The following BMP5 variants were observed in gnomAD, a reference collection of about 807,000 sequenced individuals.
BMP5 encodes the protein bone morphogenetic protein 5.
BMP5 carries 23 observed loss-of-function variants against 46.6 expected under a neutral mutation model. The observed-to-expected ratio is 0.49, with a 90% CI of 0.35 to 0.70. BMP5 has a LOEUF of 0.70. Among genes scored for constraint, BMP5 ranks in the 30% least tolerant of loss-of-function variants. The pLI, the probability that BMP5 is intolerant of heterozygous loss-of-function variation, is 0.00. For synonymous variants in BMP5, 204 were observed against 191.9 expected (o/e 1.06, Z -0.52); for missense variants, 545 against 565.6 (o/e 0.96, Z 0.37).
intron 1 of BMP5, among the ~76,000 whole-genome samples, chr6:55,826,980 C>CAGA (rs1403599445): frequency 1.2e-3 from 181 of 151,776 alleles, no homozygotes; most frequent in African/African-American, 4.3e-3. Flanking sequence ...CTATTCCATT[C>CAGA]CAGAACAATG....
At chr6:55,755,840 G>C (rs1039398748) in intron 6 of BMP5, among the ~76,000 whole-genome samples, 158 bp from the exon 7 acceptor site, 2 of 151,922 alleles carry the variant, frequency 1.3e-5, no homozygotes, top group African/African-American at 4.8e-5. Flanking sequence ...GGGACTGAAG[G>C]ATGTATTCTT....
intron 2 of BMP5, among the ~76,000 whole-genome samples, chr6:55,801,261 T>A (rs139182224): frequency 6.6e-6 from 1 of 152,214 alleles, no homozygotes; most frequent in African/African-American, 2.4e-5. Flanking sequence ...TCAAGTGTTA[T>A]TGCAACTTAG....
chr6:55,763,611 G>A (rs534411866), intron 4 of BMP5, among the ~76,000 whole-genome samples: 40 of 152,254 alleles, frequency 2.6e-4, no homozygotes, highest in African/African-American at 9.1e-4. Flanking sequence ...GCCTTTAGGA[G>A]ATTAGTATGA....
intron 2 of BMP5, among the ~76,000 whole-genome samples, chr6:55,807,230 T>A (rs929787440): frequency 3.3e-5 from 5 of 152,080 alleles, no homozygotes; most frequent in African/African-American, 1.2e-4. Flanking sequence ...CTTATTATTT[T>A]GAGATTTTTT....
At chr6:55,840,427 A>G (rs1776920998) in intron 1 of BMP5, among the ~76,000 whole-genome samples, 1 of 152,092 alleles carries the variant, frequency 6.6e-6, no homozygotes, top group Non-Finnish European at 1.5e-5. Flanking sequence ...AGATAACCTT[A>G]CTTGATTCTT....
At chr6:55,759,145 A>AAAAAAAAAAC in intron 5 of BMP5, 30 bp from the exon 6 acceptor site, 1 of 133,424 alleles carries the variant, frequency 7.5e-6, no homozygotes, top group Non-Finnish European at 1.3e-5. Flanking sequence ...ACACACACAC[A>AAAAAAAAAAC]AAAAAAAAAA....
chr6:55,852,882 A>T (rs73448135), intron 1 of BMP5, among the ~76,000 whole-genome samples: 4,266 of 152,224 alleles, frequency 0.028, 189 homozygotes, highest in African/African-American at 0.098. Context: ...CTGTAATTGC[A>T]GCACTTTGGG....
chr6:55,826,348 C>G (rs1453820901), intron 1 of BMP5, among the ~76,000 whole-genome samples: 1 of 151,614 alleles, frequency 6.6e-6, no homozygotes, highest in Non-Finnish European at 1.5e-5. Context: ...TATAAAGAAG[C>G]AAAATCTCAA....
intron 2 of BMP5, among the ~76,000 whole-genome samples, chr6:55,807,360 TAC>T (rs1776015631): frequency 6.6e-6 from 1 of 152,232 alleles, no homozygotes; most frequent in African/African-American, 2.4e-5. Flanking sequence ...TGTGATGGAT[TAC>T]ATTTATTGAT....
chr6:55,857,060 T>G (rs1777416910), intron 1 of BMP5, among the ~76,000 whole-genome samples: 1 of 152,206 alleles, frequency 6.6e-6, no homozygotes. Context: ...TGACTTGTTT[T>G]GTTCAATGTC....
Position 55,873,189 on chromosome 6 carries a change from T to C in BMP5, c.490+1187A>G, listed in dbSNP as rs528429769. On this transcript the variant is annotated intron_variant, in intron 1 of 6. Coordinates refer to ENST00000370830, the MANE Select transcript of BMP5 (RefSeq NM_021073.4). ...TAAAAGCATCCATGTGTTATTAAGA[T>C]TTGTTGATAATCTGACTTTTCAAAG... Among the ~76,000 whole-genome samples the C allele has an allele frequency of 3.3e-5, 5 of 152,070 alleles. No homozygotes were observed. The South Asian group carries it at 8.3e-4, about 25-fold the overall frequency.
chr6:55,788,883 GTTTC>G (rs374710711), intron 3 of BMP5, among the ~76,000 whole-genome samples: 89 of 151,474 alleles, frequency 5.9e-4, no homozygotes, highest in African/African-American at 2.1e-3. Context: ...TGTAAGCAAT[GTTTC>G]TTTATTTTAC....
rs903112261 is a variant in BMP5 at position 55,830,827 on chromosome 6, T to A, written c.491-10980A>T. 4.6e-5 allele frequency among the ~76,000 whole-genome samples: 7 copies of A among 152,240 alleles called. No individual in the cohort carries two copies. The South Asian group carries it at 1.4e-3, about 32-fold the overall frequency. ...TGATATCTACTATCTCCAGAAATGA[T>A]TGTGTGAAGCAGATACAAGTTTGAG... On this transcript the variant is annotated intron_variant, in intron 1 of 6. Transcript: ENST00000370830.
intron 1 of BMP5, among the ~76,000 whole-genome samples, chr6:55,820,675 C>T (rs527770850): frequency 2.0e-5 from 3 of 152,216 alleles, no homozygotes; most frequent in African/African-American, 7.2e-5. Context: ...AATTTGGCAT[C>T]CCAAAGTTCT....
chr6:55,804,319 T>C (rs1004905425), intron 2 of BMP5, among the ~76,000 whole-genome samples: 3 of 151,936 alleles, frequency 2.0e-5, no homozygotes, highest in African/African-American at 4.8e-5. Flanking sequence ...GAAGAGGAGA[T>C]TGGAATTACA....
chr6:55,873,611 C>T (rs1161802210), intron 1 of BMP5, among the ~76,000 whole-genome samples: 2 of 151,850 alleles, frequency 1.3e-5, no homozygotes. Flanking sequence ...ACAACTAAAA[C>T]ATAATTTTAA....
At chr6:55,781,797 G>C (rs1243909270) in intron 3 of BMP5, among the ~76,000 whole-genome samples, 2 of 151,738 alleles carry the variant, frequency 1.3e-5, no homozygotes, top group African/African-American at 2.4e-5. Context: ...TTTTAGTAGA[G>C]ACAGGGTTTC....
intron 1 of BMP5, among the ~76,000 whole-genome samples, chr6:55,838,300 G>A (rs1231357239): frequency 2.0e-5 from 3 of 152,106 alleles, no homozygotes; most frequent in African/African-American, 7.2e-5. Flanking sequence ...CCTCACAAGC[G>A]TTTGTTATTG....
At chr6:55,832,810 C>T (rs1776697077) in intron 1 of BMP5, among the ~76,000 whole-genome samples, 1 of 151,932 alleles carries the variant, frequency 6.6e-6, no homozygotes, top group Admixed American at 6.6e-5. Flanking sequence ...GGGTTTTGTT[C>T]ATTTAAAAAT....
Sources: gnomAD v4.1 joint callset for allele counts (sites outside exome capture counted in the v4.1 genomes callset) on GRCh38, gnomAD v4.1.1 for gene constraint, MANE v1.5 for transcripts, NCBI Gene and HGNC (gene_info 2026-07-23, HGNC 2026-07-21) for gene names.